The following UTRN variants were observed in gnomAD, a reference collection of about 807,000 sequenced individuals.
UTRN encodes the protein dystrophin-related protein 1.
Under a neutral mutation model 463.9 loss-of-function variants are expected in UTRN, and 283 were observed. That is an observed-to-expected ratio of 0.61 (90% CI 0.55 to 0.67). The LOEUF is 0.67. Ranked by LOEUF, UTRN falls within the 30% of genes least tolerant of loss-of-function variation. The pLI, the probability that UTRN is intolerant of heterozygous loss-of-function variation, is 0.00. For missense variants in UTRN, 3,922 were observed against 4,084.3 expected (o/e 0.96, Z 1.08); for synonymous variants, 1,442 against 1,431.5 (o/e 1.01, Z -0.17).
Position 144,754,760 on chromosome 6 carries a change from A to G in UTRN, c.8396A>G (p.His2799Arg). ...CGCCTTAAACAGCTTCAGGAAGCCC[A>G]CAGAGATTTTGGACCATCCTCTCAG... ...DDRLKQLQEAHRDFGPSSQHF... is the reference protein window; with the variant it reads ...DDRLKQLQEARRDFGPSSQHF... The change falls in exon 57 of 75, where the codon CAC becomes CGC. Residue 2799 changes from histidine to arginine, a missense_variant. His to Arg is a conservative substitution (Grantham distance 29). Transcript: ENST00000367545. 1 of 1,613,640 alleles carries G rather than the reference A, an allele frequency of 6.2e-7. No homozygotes were observed. Among genetic ancestry groups the G allele is most frequent in the Non-Finnish European group, 8.5e-7 (1 of 1,179,742 alleles).
At chr6:144,708,246 C>A in intron 53 of UTRN, 3 of 633,198 alleles carry the variant, frequency 4.7e-6, no homozygotes, top group South Asian at 1.5e-5. Context: ...GGTAATTCTG[C>A]GATTGCTTCA....
rs201861415 is a variant in UTRN at position 144,751,978 on chromosome 6, G to T, written c.8355+26G>T. Reference sequence around the variant, plus strand: ...GTATCAGCTTATTCCCCTTCATAATGCAGGCTTACACCTTGGGTGGTCTTT... The same window carrying T: ...GTATCAGCTTATTCCCCTTCATAATTCAGGCTTACACCTTGGGTGGTCTTT... On this transcript the variant is annotated intron_variant, in intron 56 of 74. Coordinates refer to ENST00000367545, the MANE Select transcript of UTRN (RefSeq NM_007124.3). The T allele has an allele frequency of 7.6e-4, 1,199 of 1,587,834 alleles. 3 individuals are homozygous for T. The highest frequency in any genetic ancestry group is 9.6e-4 in the Non-Finnish European group (1,123 of 1,168,596).
chr6:144,447,421 T>C lies in UTRN; in HGVS notation c.1722+103T>C, dbSNP rs1787805068. ...TTAGTGAATGCAGATTACAGCTCAT[T>C]ACCTAGCATTAGACTGCTGCCCTGT... On this transcript the variant is annotated intron_variant, in intron 15 of 74. Transcript: ENST00000367545. 3.0e-6 allele frequency: 4 copies of C among 1,317,812 alleles called. No individual in the cohort carries two copies. The Admixed American group carries it at 6.7e-5, about 22-fold the overall frequency. The allele number at this position is 1,317,812 out of a possible 1,614,324, so 81.6% of individuals were successfully genotyped here.
Position 144,437,559 on chromosome 6 carries a change from T to A in UTRN, c.1060-6T>A. ...GCTCACAAATTATAACAATGTCCCT[T>A]TCTAGGCTTTTATGATGGAACTGAC... On this transcript the variant is annotated splice_region_variant and splice_polypyrimidine_tract_variant and intron_variant, in intron 10 of 74. Coordinates refer to ENST00000367545, the MANE Select transcript of UTRN (RefSeq NM_007124.3). 1 of 1,600,002 alleles carries A rather than the reference T, an allele frequency of 6.2e-7. No individual in the cohort carries two copies. The highest frequency in any genetic ancestry group is 8.5e-7 in the Non-Finnish European group (1 of 1,175,434).
chr6:144,540,582 C>A (rs995619476), intron 45 of UTRN, among the ~76,000 whole-genome samples: 1 of 152,204 alleles, frequency 6.6e-6, no homozygotes, highest in African/African-American at 2.4e-5. Context: ...GTCTAATAGG[C>A]ACCTCAAACT....
intron 54 of UTRN, among the ~76,000 whole-genome samples, chr6:144,735,245 G>A (rs951623678): frequency 6.6e-6 from 1 of 152,216 alleles, no homozygotes; most frequent in African/African-American, 2.4e-5. Context: ...GACTCTGAGG[G>A]TCAGAGTGGA....
At chr6:144,484,264 TG>T (rs1792192081) in intron 27 of UTRN, among the ~76,000 whole-genome samples, 1 of 152,026 alleles carries the variant, frequency 6.6e-6, no homozygotes, top group Non-Finnish European at 1.5e-5. Context: ...TATATTGACA[TG>T]TCCTCATGAA....
chr6:144,429,681 G>T lies in UTRN; in HGVS notation c.795G>T (p.Glu265Asp). 6.2e-7 allele frequency: 1 copy of T among 1,613,108 alleles called. No individual in the cohort carries two copies. Among genetic ancestry groups the T allele is most frequent in the Non-Finnish European group, 8.5e-7 (1 of 1,179,504 alleles). Residue 265 changes from glutamate to aspartate, a missense_variant, in exon 9 of 75, where the codon GAG becomes GAT. Physicochemically the swap from Glu to Asp is conservative, Grantham distance 45 (BLOSUM62 2). This residue lies in a region of UTRN where 264 missense variants were observed against 327.9 expected (regional missense o/e 0.81). Coordinates refer to ENST00000367545, the MANE Select transcript of UTRN (RefSeq NM_007124.3). ...PQQVTIDAIR[E>D]VETLPRKYKK... ...AAGTCACCATAGACGCCATCCGTGA[G>T]GTAGAGACACTCCCAAGGAAATATA...
At chr6:144,535,745 G>A (rs1305950320) in intron 43 of UTRN, among the ~76,000 whole-genome samples, 2 of 152,256 alleles carry the variant, frequency 1.3e-5, no homozygotes, top group East Asian at 3.9e-4. Flanking sequence ...AGTGCCTGTA[G>A]TTAAGTATTT....
rs754575631 is a variant in UTRN, at chr6:144,748,523, CATT to C, written c.8208+10_8208+12del. ...ACATTGAAAAAATCATGGTCAGCAT[CATT>C]GTCTTTGAAGGATTTTTAAGAAATG... is the stretch of plus-strand genomic sequence containing the variant. On this transcript the variant is annotated intron_variant, in intron 55 of 74. Coordinates refer to ENST00000367545, the MANE Select transcript of UTRN (RefSeq NM_007124.3). 35 of 1,606,148 alleles carry C rather than the reference CATT, an allele frequency of 2.2e-5. No homozygotes were observed. The highest frequency in any genetic ancestry group is 1.0e-4 in the Admixed American group (6 of 58,034).
At chr6:144,832,361 G>A (rs1780740284) in intron 69 of UTRN, among the ~76,000 whole-genome samples, 1 of 152,134 alleles carries the variant, frequency 6.6e-6, no homozygotes, top group African/African-American at 2.4e-5. Flanking sequence ...ATGAAAGAAT[G>A]CAATGATAGT....
chr6:144,655,852 T>C (rs1035392860), intron 51 of UTRN, among the ~76,000 whole-genome samples: 1 of 152,262 alleles, frequency 6.6e-6, no homozygotes, highest in Non-Finnish European at 1.5e-5. Context: ...TTTAACAAAT[T>C]ATATGAAATA....
chr6:144,406,356 C>CTTTTTTTTTTTTTTTTTTT (rs57721924), intron 3 of UTRN, among the ~76,000 whole-genome samples: 1 of 125,582 alleles, frequency 8.0e-6, no homozygotes. Flanking sequence ...TTTTTCTTTT[C>CTTTTTTTTTTTTTTTTTTT]TTTTTTTTTT....
chr6:144,527,715 A>G (rs1043289307), intron 41 of UTRN, among the ~76,000 whole-genome samples: 1 of 151,978 alleles, frequency 6.6e-6, no homozygotes, highest in Non-Finnish European at 1.5e-5. Flanking sequence ...TCTTTGTCAG[A>G]TTGGGTTAAT....
intron 54 of UTRN, among the ~76,000 whole-genome samples, chr6:144,734,141 C>T (rs1344038733): frequency 2.6e-5 from 4 of 152,090 alleles, no homozygotes; most frequent in South Asian, 4.1e-4. Context: ...CCGCCATCAC[C>T]ATATTTAACA....
intron 2 of UTRN, among the ~76,000 whole-genome samples, chr6:144,303,858 G>T (rs1805498954): frequency 6.6e-6 from 1 of 152,190 alleles, no homozygotes. Flanking sequence ...TAATTAAAGA[G>T]TAGTCTAATG....
In UTRN at chr6:144,563,928, A is replaced by C. The variant is rs573573852; in HGVS notation, c.7289+6617A>C. The stretch of plus-strand genomic sequence containing the variant: ...AAGCATGCGGATATTTTCTCAGCAC[A>C]TTTAGCTCCATATCAAACAAACTAA... On this transcript the variant is annotated intron_variant, in intron 50 of 74. Coordinates refer to ENST00000367545, the MANE Select transcript of UTRN (RefSeq NM_007124.3). Among the ~76,000 whole-genome samples the C allele has an allele frequency of 2.7e-3, 404 of 152,312 alleles. 2 individuals carry two copies. Among genetic ancestry groups the C allele is most frequent in the African/African-American group, 8.9e-3 (368 of 41,572 alleles).
chr6:144,436,092 T>C lies in UTRN; in HGVS notation c.1013T>C (p.Ile338Thr), dbSNP rs776187922. ...GACACTTTCCAGGAGCAGGATGATA[T>C]TTCTGATGATGTTGAAGAAGTCAAA... Reference protein sequence around the residue: ...AEDTFQEQDDISDDVEEVKDQ... With the variant: ...AEDTFQEQDDTSDDVEEVKDQ... Residue 338 changes from isoleucine (I) to threonine (T), a missense_variant, in exon 10 of 75, where the codon ATT (isoleucine) becomes ACT (threonine). Physicochemically the swap from Ile to Thr is moderately conservative, Grantham distance 89 (BLOSUM62 -1). This residue lies in a region of UTRN where 2,349 missense variants were observed against 2,303.8 expected (regional missense o/e 1.02). Coordinates refer to ENST00000367545, the MANE Select transcript of UTRN (RefSeq NM_007124.3). The C allele has an allele frequency of 5.0e-6, 8 of 1,614,094 alleles. No homozygotes were observed. Among genetic ancestry groups the C allele is most frequent in the Non-Finnish European group, 6.8e-6 (8 of 1,180,048 alleles).
At chr6:144,826,161 A>AAAT (rs1554408907) in intron 66 of UTRN, among the ~76,000 whole-genome samples, 1 of 148,592 alleles carries the variant, frequency 6.7e-6, no homozygotes, top group African/African-American at 2.5e-5. Context: ...AATAAAAGAA[A>AAAT]AAATAAATAA....
Sources: gnomAD v4.1 joint callset for allele counts (sites outside exome capture counted in the v4.1 genomes callset) on GRCh38, gnomAD v4.1.1 for gene constraint, gnomAD v4.1.1 regional missense constraint, MANE v1.5 for transcripts, NCBI Gene and HGNC (gene_info 2026-07-23, HGNC 2026-07-21) for gene names.